The following PCDHA1 variants were observed in gnomAD, a reference collection of about 807,000 sequenced individuals.
The protein encoded by PCDHA1 is protocadherin alpha 1.
Under a neutral mutation model 61.3 loss-of-function variants are expected in PCDHA1, and 42 were observed. The observed-to-expected ratio is 0.69, with a 90% CI of 0.54 to 0.89. The LOEUF is 0.89. Among genes scored for constraint, PCDHA1 ranks in the 40% least tolerant of loss-of-function variants. PCDHA1 has a pLI of 0.00. For synonymous variants in PCDHA1, 610 were observed against 553.8 expected (o/e 1.10, Z -1.43); for missense variants, 1,256 against 1,235.3 (o/e 1.02, Z -0.25).
At chr5:140,850,162 T>C in intron 1 of PCDHA1, 2 of 1,595,026 alleles carry the variant, frequency 1.3e-6, no homozygotes, top group Non-Finnish European at 1.7e-6. Context: ...GTGTTCGTGC[T>C]GGACGAGAAC....
intron 1 of PCDHA1, chr5:140,848,633 C>T (rs1554142316): frequency 1.9e-6 from 3 of 1,593,314 alleles, no homozygotes; most frequent in Non-Finnish European, 2.6e-6. Context: ...CCTTCGTGGG[C>T]CGCATCGCGC....
intron 1 of PCDHA1, chr5:140,853,295 G>T: frequency 1.0e-6 from 1 of 982,026 alleles, no homozygotes. Flanking sequence ...ATTCTCAGAA[G>T]GGCTGTGAAC....
At chr5:140,874,401 A>G (rs2054889687) in intron 1 of PCDHA1, among the ~76,000 whole-genome samples, 1 of 152,218 alleles carries the variant, frequency 6.6e-6, no homozygotes, top group African/African-American at 2.4e-5. Context: ...CTTGCATAAC[A>G]GTCACCATTC....
In PCDHA1 at chr5:140,786,419, C is replaced by A. The variant is rs782307658; in HGVS notation, c.129C>A (p.Thr43=). The change falls in exon 1 of 4, where the codon ACC becomes ACA. Residue 43 remains threonine (T), a synonymous_variant. Coordinates refer to ENST00000504120, the MANE Select transcript of PCDHA1 (RefSeq NM_018900.4). Reference sequence around the variant, plus strand: ...TCCCGGAGGAAGCCAAACACGGCACCTTCGTTGGCCGCGTTGCTCAGGACC... The same window carrying A: ...TCCCGGAGGAAGCCAAACACGGCACATTCGTTGGCCGCGTTGCTCAGGACC... ...YSIPEEAKHG[T]FVGRVAQDLG... The A allele has an allele frequency of 6.2e-7, 1 of 1,613,450 alleles. No individual in the cohort carries two copies. The highest frequency in any genetic ancestry group is 8.5e-7 in the Non-Finnish European group (1 of 1,180,042).
chr5:140,841,559 C>A, intron 1 of PCDHA1: 1 of 1,613,852 alleles, frequency 6.2e-7, no homozygotes, highest in Non-Finnish European at 8.5e-7. Flanking sequence ...GGTAAGTCTG[C>A]AGAATGGCAT....
intron 1 of PCDHA1, chr5:140,884,551 G>C (rs782613034): frequency 1.2e-6 from 2 of 1,614,134 alleles, no homozygotes; most frequent in Non-Finnish European, 1.7e-6. Flanking sequence ...TGTGCTCTGG[G>C]GAGGGCCCGC....
In PCDHA1 at chr5:140,884,626, A is replaced by G. The variant is rs782131642; in HGVS notation, c.2395-94323A>G. 9 of 1,613,602 alleles carry G rather than the reference A, an allele frequency of 5.6e-6. No individual in the cohort carries two copies. In the Admixed American group the frequency reaches 1.5e-4, roughly 27 times the overall value. ...CTTGTCTGGGTTCTGCAGAGGGAAC[A>G]GGCCAGAGGGAGGAGGACTCAGAAT... On this transcript the variant is annotated intron_variant, in intron 1 of 3. Transcript: ENST00000504120.
At position 140,787,158 on chromosome 5, in the gene PCDHA1, C is replaced by G. The variant is rs1761354590; in HGVS notation, c.868C>G (p.Gln290Glu). ...TGACAGTGGTATTTCTCGTGACATTCAAGAAAAATTCAAAGTTGATTCCAG... is the reference window on the plus strand; with the variant it reads ...TGACAGTGGTATTTCTCGTGACATTGAAGAAAAATTCAAAGTTGATTCCAG... ...SFDSGISRDI[Q>E]EKFKVDSSSG... Residue 290 changes from glutamine (Q) to glutamate (E), a missense_variant, in exon 1 of 4, where the codon CAA (glutamine) becomes GAA (glutamate). Physicochemically the swap from Gln to Glu is conservative, Grantham distance 29 (BLOSUM62 2). Coordinates refer to ENST00000504120, the MANE Select transcript of PCDHA1 (RefSeq NM_018900.4). The G allele has an allele frequency of 6.2e-7, 1 of 1,613,642 alleles. No individual in the cohort carries two copies.
At chr5:140,904,176 C>T (rs782427504) in intron 1 of PCDHA1, among the ~76,000 whole-genome samples, 31 of 152,098 alleles carry the variant, frequency 2.0e-4, no homozygotes, top group African/African-American at 6.7e-4. Context: ...TTTTATTCCT[C>T]ACCCCCTTCC....
chr5:140,830,731 G>C (rs1172672953), intron 1 of PCDHA1: 11 of 211,044 alleles, frequency 5.2e-5, no homozygotes, highest in Admixed American at 5.7e-5. Context: ...AATATTCTTG[G>C]ATATGTCGTT....
intron 1 of PCDHA1, among the ~76,000 whole-genome samples, chr5:140,978,150 C>A (rs1009630892): frequency 6.6e-6 from 1 of 152,168 alleles, no homozygotes; most frequent in Non-Finnish European, 1.5e-5. Context: ...TTGTTCTCCC[C>A]CTTCAGACTG....
At chr5:140,819,029 A>T (rs1307031526) in intron 1 of PCDHA1, among the ~76,000 whole-genome samples, 2 of 152,214 alleles carry the variant, frequency 1.3e-5, no homozygotes, top group Non-Finnish European at 2.9e-5. Context: ...ATTTTAGCAC[A>T]TTCCCTTATA....
intron 1 of PCDHA1, chr5:140,867,464 C>A (rs1358869562): frequency 6.6e-6 from 1 of 151,874 alleles, no homozygotes; most frequent in Non-Finnish European, 1.5e-5. Context: ...AGTGTTATGA[C>A]AACATTGGGA....
At chr5:140,843,524 G>T in intron 1 of PCDHA1, 1 of 1,595,982 alleles carries the variant, frequency 6.3e-7, no homozygotes, top group South Asian at 1.1e-5. Flanking sequence ...GTGCCGGGCG[G>T]GCAAGCCCAC....
chr5:141,001,089 C>G (rs972790418), intron 3 of PCDHA1, among the ~76,000 whole-genome samples: 2 of 152,042 alleles, frequency 1.3e-5, no homozygotes, highest in Admixed American at 1.3e-4. Flanking sequence ...ACCCCATAAA[C>G]TGTCTAATCC....
chr5:140,934,152 T>C (rs2089672287), intron 1 of PCDHA1, among the ~76,000 whole-genome samples: 1 of 152,190 alleles, frequency 6.6e-6, no homozygotes. Context: ...TATATGTTTA[T>C]ATTTCAGTGT....
chr5:140,805,806 A>C (rs1763633880), intron 1 of PCDHA1, among the ~76,000 whole-genome samples: 1 of 152,180 alleles, frequency 6.6e-6, no homozygotes, highest in Non-Finnish European at 1.5e-5. Flanking sequence ...AGAAAATCAT[A>C]GAGGCTATTG....
rs189730532 is a variant in PCDHA1, at chr5:140,870,328, G to T, written c.2394+81644G>T. 1.5e-5 allele frequency: 24 copies of T among 1,614,208 alleles called. 2 individuals carry two copies. In the East Asian group the frequency reaches 4.7e-4, roughly 31 times the overall value. Reference sequence around the variant, plus strand: ...CAAGAATTACTACTCGTTGGTGCTGGACAGCGCCCTGGACCGCGAGAACGT... The same window carrying T: ...CAAGAATTACTACTCGTTGGTGCTGTACAGCGCCCTGGACCGCGAGAACGT... On this transcript the variant is annotated intron_variant, in intron 1 of 3. Transcript: ENST00000504120.
At chr5:140,841,117 A>G (rs2150311332) in intron 1 of PCDHA1, 7 of 622,834 alleles carry the variant, frequency 1.1e-5, no homozygotes, top group South Asian at 9.0e-5. Flanking sequence ...TAATTCATGT[A>G]ATCATTACCT....
Sources: allele counts gnomAD v4.1 joint callset (sites outside exome capture counted in the v4.1 genomes callset), GRCh38; gene constraint gnomAD v4.1.1; transcripts MANE v1.5; gene names NCBI Gene and HGNC (gene_info 2026-07-23, HGNC 2026-07-21).